Variants in FAM13A observed in about 807,000 individuals in gnomAD.
FAM13A encodes protein FAM13A.
A neutral mutation model predicts 129.6 loss-of-function variants in FAM13A; 76 were observed. The ratio of observed to expected loss-of-function variants is 0.59; its 90% CI spans 0.49 to 0.71. The LOEUF (loss-of-function observed/expected upper bound fraction) is 0.71, where lower values mean the gene tolerates loss of function less well. FAM13A is among the 30% of genes least tolerant of loss of function. The pLI, the probability that FAM13A is intolerant of heterozygous loss-of-function variation, is 0.00. For synonymous variants in FAM13A, 443 were observed against 449.9 expected, an observed-to-expected ratio of 0.98 and a Z score of 0.20; for missense variants, 1,108 against 1,249.3, an observed-to-expected ratio of 0.89 and a Z score of 1.70.
intron 7 of FAM13A, among the ~76,000 whole-genome samples, chr4:88,833,853 TCCAG>T (rs930189784): frequency 3.3e-5 from 5 of 152,062 alleles, no homozygotes; most frequent in Non-Finnish European, 7.4e-5. Flanking sequence ...GCCACTGCAC[TCCAG>T]CCTGGGTGAT....
chr4:88,804,596 C>T (rs1228602555), intron 8 of FAM13A, among the ~76,000 whole-genome samples: 6 of 152,280 alleles, frequency 3.9e-5, no homozygotes, highest in Middle Eastern at 3.4e-3. Flanking sequence ...TATTTAGTTT[C>T]CTTCTCCGCT....
Position 88,810,530 on chromosome 4 carries a change from C to T in FAM13A, c.1008-5478G>A, listed in dbSNP as rs138850816. On this transcript the variant is annotated intron_variant, in intron 7 of 23. Coordinates refer to ENST00000264344, the MANE Select transcript of FAM13A (RefSeq NM_014883.4). ...ATTGGAGTTATGCTGCCCCAAGCAACGGAACTATTTGAAGCTAGGGAAGAG... is the reference window on the plus strand; with the variant it reads ...ATTGGAGTTATGCTGCCCCAAGCAATGGAACTATTTGAAGCTAGGGAAGAG... Among the ~76,000 whole-genome samples, 411 of 152,110 alleles carry T rather than the reference C, an allele frequency of 2.7e-3. 2 individuals carry two copies. The highest frequency in any genetic ancestry group is 5.3e-3 in the Admixed American group (81 of 15,260).
At chr4:88,970,764 ACT>A (rs1759974218) in intron 4 of FAM13A, among the ~76,000 whole-genome samples, 1 of 152,186 alleles carries the variant, frequency 6.6e-6, no homozygotes, top group Admixed American at 6.5e-5. Flanking sequence ...GAGATAGCAA[ACT>A]CTGTGGGACA....
chr4:88,783,324 G>A (rs1723320026), intron 10 of FAM13A, among the ~76,000 whole-genome samples: 1 of 151,722 alleles, frequency 6.6e-6, no homozygotes, highest in Non-Finnish European at 1.5e-5. Context: ...TTTTGAGACA[G>A]AGTCTTGCTC....
chr4:88,956,590 A>G (rs1013043898), intron 4 of FAM13A, among the ~76,000 whole-genome samples: 2 of 152,222 alleles, frequency 1.3e-5, no homozygotes, highest in Admixed American at 6.5e-5. Context: ...TGATATAACA[A>G]ATTACCACAA....
chr4:88,943,099 A>C (rs970009165), intron 4 of FAM13A, among the ~76,000 whole-genome samples: 2 of 152,172 alleles, frequency 1.3e-5, no homozygotes, highest in Non-Finnish European at 2.9e-5. Context: ...TACAATTATG[A>C]CTTTGGTTAA....
At chr4:88,988,472 T>C (rs752447051) in intron 4 of FAM13A, among the ~76,000 whole-genome samples, 2 of 152,248 alleles carry the variant, frequency 1.3e-5, no homozygotes, top group Non-Finnish European at 2.9e-5. Context: ...TTATTAAGTA[T>C]TTAACAGTGA....
At chr4:88,939,547 T>C (rs965602772) in intron 4 of FAM13A, among the ~76,000 whole-genome samples, 11 of 152,218 alleles carry the variant, frequency 7.2e-5, no homozygotes, top group Non-Finnish European at 1.6e-4. Context: ...GGGATTATGA[T>C]ATCTTTAGGA....
Position 88,750,489 on chromosome 4 carries a change from C to T in FAM13A, c.1875G>A (p.Gln625=), listed in dbSNP as rs1246406304. The change falls in exon 15 of 24, where the codon CAG becomes CAA. Residue 625 remains glutamine (Q), a synonymous_variant. Coordinates refer to ENST00000264344, the MANE Select transcript of FAM13A (RefSeq NM_014883.4). The stretch of plus-strand genomic sequence containing the variant: ...CTGTGTCATCCAGGTATTGCCTGCT[C>T]TGCCCATAAGCGTAGAACCGAGGAG... ...MLSPRFYAYG[Q]SRQYLDDTEV... 1 of 1,614,184 alleles carries T rather than the reference C, an allele frequency of 6.2e-7. No homozygotes were observed. The highest frequency in any genetic ancestry group is 1.7e-5 in the Admixed American group (1 of 60,018).
chr4:89,042,799 T>C (rs1770332267), intron 1 of FAM13A, among the ~76,000 whole-genome samples: 1 of 152,216 alleles, frequency 6.6e-6, no homozygotes, highest in Non-Finnish European at 1.5e-5. Context: ...CAAAAAATTA[T>C]TTAAAATTGC....
At chr4:89,020,353 G>T in intron 3 of FAM13A, 107 bp downstream of exon 3, 1 of 678,462 alleles carries the variant, frequency 1.5e-6, no homozygotes, top group Non-Finnish European at 2.3e-6. Flanking sequence ...CTGGCTTCAA[G>T]CAATCTTTCT....
intron 7 of FAM13A, among the ~76,000 whole-genome samples, chr4:88,826,329 AAAC>A (rs1226680636): frequency 4.6e-4 from 65 of 139,886 alleles, no homozygotes; most frequent in African/African-American, 1.8e-3. Context: ...AAAAAAAAAA[AAAC>A]CATTCCTGAC....
chr4:88,884,436 G>T (rs1401322383), intron 6 of FAM13A, among the ~76,000 whole-genome samples: 1 of 152,050 alleles, frequency 6.6e-6, no homozygotes, highest in Admixed American at 6.6e-5. Flanking sequence ...AAAAGTATTT[G>T]ACAAAATCCA....
At chr4:88,880,710 G>A (rs565068850) in intron 6 of FAM13A, among the ~76,000 whole-genome samples, 128 of 146,878 alleles carry the variant, frequency 8.7e-4, no homozygotes, top group Middle Eastern at 3.4e-3. Context: ...GGCAGCCTGG[G>A]GCAAATTCTC....
chr4:88,945,211 C>G (rs1755464456), intron 4 of FAM13A, among the ~76,000 whole-genome samples: 1 of 152,142 alleles, frequency 6.6e-6, no homozygotes, highest in Non-Finnish European at 1.5e-5. Context: ...ATCCTAAATT[C>G]TTCCAGTTTC....
intron 23 of FAM13A, 100 bp downstream of exon 23, chr4:88,731,227 C>T: frequency 1.5e-6 from 1 of 659,296 alleles, no homozygotes; most frequent in East Asian, 2.7e-5. Flanking sequence ...AGAAGAGTCC[C>T]CCCTTTGAAG....
intron 11 of FAM13A, among the ~76,000 whole-genome samples, chr4:88,776,200 TCACA>T (rs1427580772): frequency 6.6e-6 from 1 of 152,232 alleles, no homozygotes; most frequent in African/African-American, 2.4e-5. Flanking sequence ...CATAATGCAA[TCACA>T]CAATCACTTT....
At chr4:88,823,771 A>G (rs938186931) in intron 7 of FAM13A, among the ~76,000 whole-genome samples, 4 of 152,188 alleles carry the variant, frequency 2.6e-5, no homozygotes, top group African/African-American at 9.7e-5. Context: ...GTTTGTTTAC[A>G]CTGCGGTGGT....
At chr4:88,854,775 T>C (rs930974303) in intron 6 of FAM13A, among the ~76,000 whole-genome samples, 1 of 152,252 alleles carries the variant, frequency 6.6e-6, no homozygotes, top group African/African-American at 2.4e-5. Flanking sequence ...GCAGTAGCTC[T>C]AATTGTGGCA....
Sources: gnomAD v4.1 joint callset for allele counts (sites outside exome capture counted in the v4.1 genomes callset) on GRCh38, gnomAD v4.1.1 for gene constraint, MANE v1.5 for transcripts, NCBI Gene and HGNC (gene_info 2026-07-23, HGNC 2026-07-21) for gene names.